ACYP2: variants seen among roughly 807,000 people sequenced by gnomAD.
The protein encoded by ACYP2 is acylphosphatase 2, also known as acylphosphatase-2.
Under a neutral mutation model 11.2 loss-of-function variants are expected in ACYP2, and 12 were observed. The ratio of observed to expected loss-of-function variants is 1.08; its 90% CI spans 0.69 to 1.74. The LOEUF (loss-of-function observed/expected upper bound fraction) is 1.74. Among genes scored for constraint, ACYP2 ranks in the 40% most tolerant of loss-of-function variants. The pLI is 0.00. For missense variants in ACYP2, 134 were observed against 101.9 expected (o/e 1.31, Z -1.35); for synonymous variants, 43 against 32.2 (o/e 1.33, Z -1.13).
intron 4 of ACYP2, among the ~76,000 whole-genome samples, chr2:54,092,501 T>A (rs1678290535): frequency 1.3e-5 from 2 of 152,134 alleles, no homozygotes; most frequent in South Asian, 4.1e-4. Context: ...CTAAGATTTA[T>A]CAGGGATGAG....
chr2:54,232,571 A>G (rs908769907), intron 6 of ACYP2, among the ~76,000 whole-genome samples: 15 of 152,162 alleles, frequency 9.9e-5, no homozygotes, highest in African/African-American at 3.4e-4. Flanking sequence ...CCCCAGTGTC[A>G]AAGGAAATGG....
chr2:54,126,092 A>C (rs1392531061), intron 4 of ACYP2, among the ~76,000 whole-genome samples: 1 of 152,226 alleles, frequency 6.6e-6, no homozygotes, highest in Non-Finnish European at 1.5e-5. Context: ...AAAAAAATAA[A>C]TAAATAAAAA....
intron 2 of ACYP2, among the ~76,000 whole-genome samples, chr2:54,003,001 G>A (rs529203214): frequency 6.7e-6 from 1 of 150,046 alleles, no homozygotes; most frequent in African/African-American, 2.5e-5. Flanking sequence ...AGGCTGGAGT[G>A]CAGTGGCATG....
chr2:54,182,831 C>T (rs1047349927), intron 6 of ACYP2, among the ~76,000 whole-genome samples: 2 of 152,060 alleles, frequency 1.3e-5, no homozygotes, highest in African/African-American at 4.8e-5. Context: ...AGCGGCAGTG[C>T]CCATCTTGGG....
chr2:54,186,434 T>C (rs1002976349), intron 6 of ACYP2, among the ~76,000 whole-genome samples: 1 of 152,178 alleles, frequency 6.6e-6, no homozygotes, highest in Non-Finnish European at 1.5e-5. Context: ...TTTCTTCCTA[T>C]AATTACACGT....
intron 4 of ACYP2, among the ~76,000 whole-genome samples, chr2:54,097,811 C>T (rs1310154302): frequency 6.6e-6 from 1 of 151,742 alleles, no homozygotes; most frequent in Non-Finnish European, 1.5e-5. Flanking sequence ...AACCACCATG[C>T]TATTATTATA....
intron 4 of ACYP2, among the ~76,000 whole-genome samples, chr2:54,124,422 C>T (rs1017453448): frequency 2.0e-5 from 3 of 152,002 alleles, no homozygotes. Context: ...TCTTGAACTC[C>T]CGATCTCAGG....
chr2:54,032,165 C>T (rs1674618725), intron 2 of ACYP2, among the ~76,000 whole-genome samples: 1 of 152,048 alleles, frequency 6.6e-6, no homozygotes, highest in Non-Finnish European at 1.5e-5. Flanking sequence ...CTTTTGTTGC[C>T]ATTGCTTTTG....
intron 2 of ACYP2, among the ~76,000 whole-genome samples, chr2:54,005,942 G>C (rs1272105337): frequency 6.6e-6 from 1 of 152,118 alleles, no homozygotes; most frequent in Non-Finnish European, 1.5e-5. Context: ...ATAATATTGA[G>C]TTTTCGTAAT....
chr2:54,272,394 C>G (rs1688348408), intron 6 of ACYP2, among the ~76,000 whole-genome samples: 1 of 152,196 alleles, frequency 6.6e-6, no homozygotes, highest in Admixed American at 6.5e-5. Context: ...GATCTCAGAG[C>G]TGAATCCGCT....
chr2:54,180,221 C>T (rs930091231), intron 6 of ACYP2, among the ~76,000 whole-genome samples: 1 of 152,150 alleles, frequency 6.6e-6, no homozygotes, highest in Non-Finnish European at 1.5e-5. Context: ...GGAAGTTCTC[C>T]AAACCCTGTT....
intron 6 of ACYP2, among the ~76,000 whole-genome samples, chr2:54,177,036 C>A (rs990825704): frequency 6.6e-6 from 1 of 152,168 alleles, no homozygotes; most frequent in Admixed American, 6.5e-5. Flanking sequence ...GGGAACCTGA[C>A]CTATGACATA....
At position 54,134,444 on chromosome 2, in the gene ACYP2, T is replaced by G. The variant is rs138848974; in HGVS notation, c.278-1009T>G. Among the ~76,000 whole-genome samples the G allele has an allele frequency of 7.2e-3, 1,101 of 152,320 alleles. 20 individuals are homozygous for G. The highest frequency in any genetic ancestry group is 0.025 in the African/African-American group (1,055 of 41,572). Reference sequence around the variant, plus strand: ...ACAAATGTTTTATTACATTTAAATTTGTATTTAGTCCTTACATTTTAAGAA... The same window carrying G: ...ACAAATGTTTTATTACATTTAAATTGGTATTTAGTCCTTACATTTTAAGAA... On this transcript the variant is annotated intron_variant, in intron 4 of 6. Transcript: ENST00000607452.
At chr2:54,058,629 AG>A (rs1380703449) in intron 4 of ACYP2, among the ~76,000 whole-genome samples, 3 of 152,112 alleles carry the variant, frequency 2.0e-5, no homozygotes, top group Non-Finnish European at 4.4e-5. Context: ...TTAAAGAAAG[AG>A]GAAAGAAACA....
intron 6 of ACYP2, among the ~76,000 whole-genome samples, chr2:54,220,174 C>G (rs1685745056): frequency 6.6e-6 from 1 of 151,928 alleles, no homozygotes; most frequent in South Asian, 2.1e-4. Context: ...TTCTGTTAAA[C>G]TTATTTTTTA....
chr2:54,162,280 T>C (rs190604302), intron 6 of ACYP2, among the ~76,000 whole-genome samples: 6 of 152,348 alleles, frequency 3.9e-5, no homozygotes, highest in Admixed American at 2.0e-4. Context: ...GCTGTTGCTA[T>C]AGTAATTCCT....
At chr2:54,138,555 A>C in intron 5 of ACYP2, 84 bp from the exon 3 acceptor site, 1 of 1,065,984 alleles carries the variant, frequency 9.4e-7, no homozygotes, top group Non-Finnish European at 1.4e-6. Flanking sequence ...TTAGGTTAGC[A>C]TTTTTTGGAT....
intron 6 of ACYP2, among the ~76,000 whole-genome samples, chr2:54,147,729 T>A (rs1681960766): frequency 6.6e-6 from 1 of 152,106 alleles, no homozygotes; most frequent in Non-Finnish European, 1.5e-5. Flanking sequence ...CCTACTATGT[T>A]GTCTATGCTG....
At chr2:54,138,095 C>T (rs367616397) in intron 5 of ACYP2, among the ~76,000 whole-genome samples, 1 of 151,534 alleles carries the variant, frequency 6.6e-6, no homozygotes, top group Non-Finnish European at 1.5e-5. Flanking sequence ...TGAGAAGTGT[C>T]CATGTCCTTG....
Sources: allele counts gnomAD v4.1 joint callset (sites outside exome capture counted in the v4.1 genomes callset), GRCh38; gene constraint gnomAD v4.1.1; transcripts MANE v1.5; gene names NCBI Gene and HGNC (gene_info 2026-07-23, HGNC 2026-07-21).